CC2D2B: variants seen among roughly 807,000 people sequenced by gnomAD.
CC2D2B encodes the protein coiled-coil and C2 domain containing 2B, also known as protein CC2D2B.
CC2D2B carries 128 observed loss-of-function variants against 161.2 expected under a neutral mutation model. The observed-to-expected ratio is 0.79, with a 90% CI of 0.69 to 0.92. The LOEUF (loss-of-function observed/expected upper bound fraction) is 0.92, where lower values mean the gene tolerates loss of function less well. Ranked by LOEUF, CC2D2B falls within the 40% of genes least tolerant of loss-of-function variation. The probability of loss-of-function intolerance (pLI) is 0.00; values close to 1 mark genes in which losing one functional copy is unlikely to be tolerated. For missense variants in CC2D2B, 1,173 were observed against 1,375.1 expected (o/e 0.85, Z 2.32); for synonymous variants, 391 against 449.8 (o/e 0.87, Z 1.65).
intron 15 of CC2D2B, among the ~76,000 whole-genome samples, chr10:95,971,198 G>A (rs371761282): frequency 6.6e-5 from 10 of 151,942 alleles, no homozygotes; most frequent in South Asian, 2.1e-4. Flanking sequence ...AGTTCAGCCC[G>A]GCCAAAATGA....
Position 95,984,160 on chromosome 10 carries a change from A to T in CC2D2B, c.2286+351A>T, listed in dbSNP as rs143686391. ...AGAGACACTACCACAGTAAACTTAA[A>T]CATTAATTATAAGGCCCATCTCAAT... On this transcript the variant is annotated intron_variant, in intron 19 of 34. Coordinates refer to ENST00000646931, the MANE Select transcript of CC2D2B (RefSeq NM_001349008.3). Among the ~76,000 whole-genome samples, 94 of 152,324 alleles carry T rather than the reference A, an allele frequency of 6.2e-4. 4 individuals are homozygous for T. In the East Asian group the frequency reaches 0.017, roughly 28 times the overall value.
In CC2D2B at chr10:95,961,894, G is replaced by A. The variant is rs908167416; in HGVS notation, c.1175G>A (p.Arg392Gln). The A allele has an allele frequency of 1.5e-5, 19 of 1,231,160 alleles. No individual in the cohort carries two copies. The highest frequency in any genetic ancestry group is 1.4e-4 in the African/African-American group (9 of 64,448). The allele number at this position is 1,231,160 out of a possible 1,614,324, so 76.3% of individuals were successfully genotyped here. A position where few individuals can be genotyped will look rare whatever the true frequency, so the allele number is the denominator to read the frequency against. The change falls in exon 12 of 35, where the codon CGA becomes CAA. Residue 392 changes from arginine (R) to glutamine (Q), a missense_variant. By Grantham distance (43) the Arg-to-Gln change is conservative. Coordinates refer to ENST00000646931, the MANE Select transcript of CC2D2B (RefSeq NM_001349008.3). ...KDLSLLHSIL[R>Q]TWKQIKSLRH... is the part of the protein sequence containing the mutation. Reference sequence around the variant, plus strand: ...CTCTCCCTACTACACAGTATATTACGAACTTGGAAACAGATTAAATCTCTT... The same window carrying A: ...CTCTCCCTACTACACAGTATATTACAAACTTGGAAACAGATTAAATCTCTT...
intron 10 of CC2D2B, among the ~76,000 whole-genome samples, chr10:95,954,487 C>G (rs2076508096): frequency 6.6e-6 from 1 of 152,134 alleles, no homozygotes; most frequent in Non-Finnish European, 1.5e-5. Flanking sequence ...TAGTTCCGTA[C>G]TGTTTCATTA....
chr10:95,984,617 C>T (rs189555326), intron 19 of CC2D2B: 2 of 152,116 alleles, frequency 1.3e-5, no homozygotes, highest in Non-Finnish European at 1.5e-5. Context: ...TGACTCATGC[C>T]TGTAATCTTG....
intron 25 of CC2D2B, among the ~76,000 whole-genome samples, chr10:96,008,810 C>G (rs1350862526): frequency 1.3e-5 from 2 of 151,946 alleles, no homozygotes; most frequent in Non-Finnish European, 2.9e-5. Context: ...ATATGATTTG[C>G]AGATATTTTC....
intron 2 of CC2D2B, among the ~76,000 whole-genome samples, chr10:95,916,049 G>A (rs1166422922): frequency 6.6e-6 from 1 of 152,066 alleles, no homozygotes; most frequent in Non-Finnish European, 1.5e-5. Context: ...TTTGCTTGGA[G>A]ACTTTTTATT....
intron 14 of CC2D2B, among the ~76,000 whole-genome samples, chr10:95,967,826 A>G (rs2076993795): frequency 6.6e-6 from 1 of 152,194 alleles, no homozygotes; most frequent in Admixed American, 6.5e-5. Flanking sequence ...AGAAGGTTAC[A>G]GAGATGGACA....
intron 5 of CC2D2B, among the ~76,000 whole-genome samples, chr10:95,925,601 T>C (rs2098537020): frequency 6.6e-6 from 1 of 152,216 alleles, no homozygotes. Context: ...TTTAAAGAGT[T>C]ATATTATTTA....
At chr10:95,983,935 CT>C in intron 19 of CC2D2B, 126 bp downstream of exon 19, 1 of 440,752 alleles carries the variant, frequency 2.3e-6, no homozygotes. Flanking sequence ...CCTCCCTTCT[CT>C]TTAGGCATTA....
chr10:95,929,471 A>G (rs1415158656), intron 6 of CC2D2B, among the ~76,000 whole-genome samples: 1 of 152,168 alleles, frequency 6.6e-6, no homozygotes, highest in Admixed American at 6.5e-5. Flanking sequence ...TCCTTTGCCC[A>G]TGCCTATGTC....
At chr10:95,971,986 T>C in intron 15 of CC2D2B, 80 bp from the exon 16 acceptor site, 1 of 668,518 alleles carries the variant, frequency 1.5e-6, no homozygotes, top group Non-Finnish European at 2.1e-6. Context: ...TAAAAAAATA[T>C]ATGTTGTTAA....
intron 5 of CC2D2B, among the ~76,000 whole-genome samples, chr10:95,925,949 G>A (rs189065068): frequency 2.0e-5 from 3 of 152,046 alleles, no homozygotes; most frequent in Admixed American, 2.0e-4. Context: ...ACTGTAATGA[G>A]CAACTAATAG....
intron 12 of CC2D2B, among the ~76,000 whole-genome samples, chr10:95,964,674 T>A (rs554199535): frequency 6.6e-6 from 1 of 152,292 alleles, no homozygotes; most frequent in African/African-American, 2.4e-5. Context: ...TGCAGTGCCA[T>A]TAATGGGGCT....
intron 2 of CC2D2B, among the ~76,000 whole-genome samples, chr10:95,912,656 T>G (rs2098508504): frequency 1.3e-5 from 2 of 152,172 alleles, no homozygotes; most frequent in Non-Finnish European, 2.9e-5. Context: ...TAGCTAAAAC[T>G]AGTATAGCAT....
chr10:96,007,506 T>G (rs1173192729), intron 25 of CC2D2B, among the ~76,000 whole-genome samples: 1 of 152,160 alleles, frequency 6.6e-6, no homozygotes. Context: ...GCTACCTAAG[T>G]GTGCCTATTA....
chr10:96,027,244 A>G lies in CC2D2B; in HGVS notation c.3980A>G (p.Glu1327Gly), dbSNP rs1369075268. The G allele has an allele frequency of 6.5e-7, 1 of 1,546,930 alleles. No individual in the cohort carries two copies. Among genetic ancestry groups the G allele is most frequent in the African/African-American group, 1.4e-5 (1 of 72,808 alleles). The change falls in exon 34 of 35, where the codon GAA becomes GGA. Residue 1327 changes from glutamate (E) to glycine (G), a missense_variant. Physicochemically the swap from Glu to Gly is moderately conservative, Grantham distance 98. Around this residue, in one of 3 missense-constraint regions of CC2D2B, gnomAD observed 598 missense variants for 693.2 expected, o/e 0.86. Transcript: ENST00000646931. ...AGGACTCTGAAGAGTAAAGTGATGG[A>G]ATGGCGACCTAAACACCCAACACAT... ...IERTLKSKVM[E>G]WRPKHPTHWN... is the part of the protein sequence containing the mutation.
At chr10:95,974,263 G>A in intron 17 of CC2D2B, 107 bp downstream of exon 17, 1 of 527,302 alleles carries the variant, frequency 1.9e-6, no homozygotes, top group Non-Finnish European at 2.9e-6. Flanking sequence ...GAAGAGTTTA[G>A]TCTATTTGAA....
Position 96,024,839 on chromosome 10 carries a change from G to T in CC2D2B, c.3889-14G>T. 1 of 1,437,712 alleles carries T rather than the reference G, an allele frequency of 7.0e-7. No individual in the cohort carries two copies. 89.1% of individuals were successfully genotyped at this position (1,437,712 alleles called of 1,614,324 possible). A position where few individuals can be genotyped will look rare whatever the true frequency, so the allele number is the denominator to read the frequency against. Reference sequence around the variant, plus strand: ...GTCTCTAGAATCTATTCTAACTTTGGTTGTCTATTTCAGCCTGAAGAAATA... The same window carrying T: ...GTCTCTAGAATCTATTCTAACTTTGTTTGTCTATTTCAGCCTGAAGAAATA... On this transcript the variant is annotated splice_polypyrimidine_tract_variant and intron_variant, in intron 32 of 34. Transcript: ENST00000646931.
Position 95,947,691 on chromosome 10 carries a change from G to A in CC2D2B, c.802-2205G>A, listed in dbSNP as rs567701761. 1.2e-4 allele frequency among the ~76,000 whole-genome samples: 19 copies of A among 152,072 alleles called. No individual in the cohort carries two copies. The South Asian group carries it at 3.1e-3, about 25-fold the overall frequency. ...TGGGAGGTGGAGGTTGCAGTGAGCTGAGATCACGCTACTGCACACTGCATT... is the reference window on the plus strand; with the variant it reads ...TGGGAGGTGGAGGTTGCAGTGAGCTAAGATCACGCTACTGCACACTGCATT... On this transcript the variant is annotated intron_variant, in intron 9 of 34. Transcript: ENST00000646931.
Sources: gnomAD v4.1 joint callset for allele counts (sites outside exome capture counted in the v4.1 genomes callset) on GRCh38, gnomAD v4.1.1 for gene constraint, gnomAD v4.1.1 regional missense constraint, MANE v1.5 for transcripts, NCBI Gene and HGNC (gene_info 2026-07-23, HGNC 2026-07-21) for gene names.